PLXNA2: variants seen among roughly 807,000 people sequenced by gnomAD.
PLXNA2 encodes plexin-A2.
In PLXNA2, 91 loss-of-function variants were observed where a neutral mutation model predicts 193.5. The ratio of observed to expected loss-of-function variants is 0.47; its 90% confidence interval spans 0.40 to 0.56. The LOEUF (loss-of-function observed/expected upper bound fraction) is 0.56, where lower values mean the gene tolerates loss of function less well. PLXNA2 is among the 20% of genes least tolerant of loss of function. The pLI is 0.00. For missense variants in PLXNA2, 1,995 were observed against 2,503.2 expected, an observed-to-expected ratio of 0.80 and a Z score of 4.33; for synonymous variants, 997 against 1,027.3, an observed-to-expected ratio of 0.97 and a Z score of 0.56.
chr1:208,209,542 C>A (rs1038768875), intron 3 of PLXNA2, among the ~76,000 whole-genome samples: 1 of 152,192 alleles, frequency 6.6e-6, no homozygotes, highest in African/African-American at 2.4e-5. Context: ...GCCCTCTCTG[C>A]ACCCTAGGCA....
Position 208,028,938 on chromosome 1 carries a change from G to C in PLXNA2, c.5330C>G (p.Thr1777Ser). The change falls in exon 30 of 32, where the codon ACC becomes AGC. Residue 1777 changes from threonine to serine, a missense_variant. Around this residue, in one of 3 missense-constraint regions of PLXNA2, gnomAD observed 1,291 missense variants for 1,673.6 expected, o/e 0.77. Coordinates refer to ENST00000367033, the MANE Select transcript of PLXNA2 (RefSeq NM_025179.4). This position sits in a 1 kb window ranked among gnomAD's most constrained non-coding sequence, Gnocchi z 4.2. ...TDACLSVVAQ[T>S]FMDSCSTSEH... Reference sequence around the variant, plus strand: ...TGACGTTGAACAAGAGTCCATGAAGGTCTGGGCCACCACAGAGAGGCAGGC... The same window carrying C: ...TGACGTTGAACAAGAGTCCATGAAGCTCTGGGCCACCACAGAGAGGCAGGC... The C allele has an allele frequency of 6.2e-7, 1 of 1,614,046 alleles. No homozygotes were observed. The highest frequency in any genetic ancestry group is 2.2e-5 in the East Asian group (1 of 44,902).
Position 208,082,070 on chromosome 1 carries a change from G to C in PLXNA2, c.2395+342C>G, listed in dbSNP as rs955471905. Among the ~76,000 whole-genome samples, 2 of 152,204 alleles carry C rather than the reference G, an allele frequency of 1.3e-5. No individual in the cohort carries two copies. The highest frequency in any genetic ancestry group is 4.8e-5 in the African/African-American group (2 of 41,442). On this transcript the variant is annotated intron_variant, in intron 11 of 31. Transcript: ENST00000367033. This position sits in a 1 kb window ranked among gnomAD's most constrained non-coding sequence, Gnocchi z 4.2. ...GCCAAGGACAGGGGAACAAGAGCCT[G>C]ACTGGAAACAATATCTCCATTTCCA...
rs570397323 is a variant in PLXNA2 at position 208,025,803 on chromosome 1, G to A, written c.*1440C>T. Reference sequence around the variant, plus strand: ...TCCATAGTTTTAGGCATCATCAGAAGAGACAGAGAAGGAAAGTCCAGTGAG... The same window carrying A: ...TCCATAGTTTTAGGCATCATCAGAAAAGACAGAGAAGGAAAGTCCAGTGAG... On this transcript the variant is annotated 3_prime_UTR_variant, in exon 32 of 32. Coordinates refer to ENST00000367033, the MANE Select transcript of PLXNA2 (RefSeq NM_025179.4). 1 of 152,428 alleles carries A rather than the reference G, an allele frequency of 6.6e-6. No individual in the cohort carries two copies. The highest frequency in any genetic ancestry group is 1.9e-4 in the East Asian group (1 of 5,184). The allele number at this position is 152,428 out of a possible 1,614,324, so 9.4% of individuals were successfully genotyped here. A position where few individuals can be genotyped will look rare whatever the true frequency, so the allele number is the denominator to read the frequency against.
chr1:208,072,041 G>A (rs1665994431), intron 12 of PLXNA2, among the ~76,000 whole-genome samples: 1 of 152,232 alleles, frequency 6.6e-6, no homozygotes, highest in Non-Finnish European at 1.5e-5. Flanking sequence ...GAGAACAGGA[G>A]CCAGCAGGAG....
intron 4 of PLXNA2, 119 bp from the exon 5 acceptor site, chr1:208,103,366 T>C (rs922681102): frequency 2.7e-6 from 2 of 739,942 alleles, no homozygotes; most frequent in African/African-American, 1.8e-5. Flanking sequence ...GAGGTGATAC[T>C]GGGCGGCAAG....
chr1:208,063,452 G>A (rs1385895325), intron 12 of PLXNA2, among the ~76,000 whole-genome samples: 1 of 152,186 alleles, frequency 6.6e-6, no homozygotes, highest in Admixed American at 6.5e-5. Flanking sequence ...TAGAGAAGAA[G>A]ACTTTTTTTG....
intron 8 of PLXNA2, among the ~76,000 whole-genome samples, chr1:208,095,323 T>C (rs141523741): frequency 8.5e-5 from 13 of 152,294 alleles, no homozygotes; most frequent in Middle Eastern, 3.4e-3. Flanking sequence ...CCCTGTGAAA[T>C]GTTCCCAGCT....
chr1:208,089,351 TG>T (rs530048468), intron 9 of PLXNA2, among the ~76,000 whole-genome samples: 3 of 152,210 alleles, frequency 2.0e-5, no homozygotes, highest in Non-Finnish European at 4.4e-5. Flanking sequence ...ACAAAGCTCA[TG>T]GGCCCTGATT....
At position 208,210,702 on chromosome 1, in the gene PLXNA2, G is replaced by A. The variant is rs149667070; in HGVS notation, c.1189-240C>T. ...GGCAGCAACCTTCCACTCAGCTGGCGTCACCTGTATCTACCTTTCTGCCAG... is the reference window on the plus strand; with the variant it reads ...GGCAGCAACCTTCCACTCAGCTGGCATCACCTGTATCTACCTTTCTGCCAG... On this transcript the variant is annotated intron_variant, in intron 2 of 31. Transcript: ENST00000367033. Among the ~76,000 whole-genome samples the A allele has an allele frequency of 1.9e-3, 288 of 152,274 alleles. 2 individuals are homozygous for A. The highest frequency in any genetic ancestry group is 6.5e-3 in the African/African-American group (271 of 41,554).
intron 3 of PLXNA2, among the ~76,000 whole-genome samples, chr1:208,188,050 T>A (rs569083035): frequency 1.3e-5 from 2 of 152,192 alleles, no homozygotes; most frequent in Admixed American, 6.5e-5. Context: ...CTCCCCCAGC[T>A]CCACATTGCA....
At chr1:208,195,679 T>C (rs1328711417) in intron 3 of PLXNA2, among the ~76,000 whole-genome samples, 2 of 151,156 alleles carry the variant, frequency 1.3e-5, no homozygotes, top group Admixed American at 1.3e-4. Context: ...GTGGGCAACA[T>C]GCATCATAAA....
At position 208,043,054 on chromosome 1, in the gene PLXNA2, G is replaced by A. The variant is rs762923559; in HGVS notation, c.4017+7C>T. 3.1e-6 allele frequency: 5 copies of A among 1,612,866 alleles called. No individual in the cohort carries two copies. In the East Asian group the frequency reaches 8.9e-5, roughly 29 times the overall value. On this transcript the variant is annotated splice_region_variant and intron_variant, in intron 21 of 31. Transcript: ENST00000367033. ...CTGGGTGGCTGGGCCCAGGAGGCAG[G>A]CATTACCTCCAGCTCCCGCAGGACG...
rs560153752 is a variant in PLXNA2, at chr1:208,044,036, C to A, written c.3874+472G>T. On this transcript the variant is annotated intron_variant, in intron 20 of 31. Transcript: ENST00000367033. This position sits in a 1 kb window ranked among gnomAD's most constrained non-coding sequence, Gnocchi z 4.9. ...CACCAGCAAGTGGCGGCCTTCAGAG[C>A]GCTCAGCCTGCAGCACTGATGGAAA... is the stretch of plus-strand genomic sequence containing the variant. Among the ~76,000 whole-genome samples the A allele has an allele frequency of 1.3e-5, 2 of 152,214 alleles. No individual in the cohort carries two copies. Among genetic ancestry groups the A allele is most frequent in the Non-Finnish European group, 2.9e-5 (2 of 68,048 alleles).
chr1:208,095,057 A>G (rs983557750), intron 8 of PLXNA2, among the ~76,000 whole-genome samples: 4 of 152,194 alleles, frequency 2.6e-5, no homozygotes, highest in African/African-American at 9.6e-5. Context: ...GACAATGGGA[A>G]GGATGAGTCC....
intron 12 of PLXNA2, among the ~76,000 whole-genome samples, chr1:208,066,388 G>T (rs1421984880): frequency 6.6e-6 from 1 of 152,190 alleles, no homozygotes; most frequent in Non-Finnish European, 1.5e-5. Flanking sequence ...CAGAGTCCTG[G>T]CCCTGTCCTC....
rs774006076 is a variant in PLXNA2, at chr1:208,033,430, C to T, written c.4944G>A (p.Gly1648=). ...TCTTCACCAGATGCCACACCTTGAC[C>T]CCACTTTCCAGGTCTGGGGTGATCA... ...APMITPDLES[G]VKVWHLVKNH... is the part of the protein sequence containing the mutation. Residue 1648 remains glycine, a synonymous_variant, in exon 28 of 32, where the codon GGG becomes GGA. Transcript: ENST00000367033. The T allele has an allele frequency of 6.2e-7, 1 of 1,614,122 alleles. No individual in the cohort carries two copies. The highest frequency in any genetic ancestry group is 1.1e-5 in the South Asian group (1 of 91,070).
chr1:208,164,444 G>A (rs1226239769), intron 3 of PLXNA2, among the ~76,000 whole-genome samples: 1 of 152,308 alleles, frequency 6.6e-6, no homozygotes, highest in Non-Finnish European at 1.5e-5. Flanking sequence ...CCCTCTCATA[G>A]GGAGGTTTAG....
chr1:208,116,841 CT>C lies in PLXNA2; in HGVS notation c.1507-13595del, dbSNP rs1030933956. On this transcript the variant is annotated intron_variant, in intron 4 of 31. Transcript: ENST00000367033. ...ATTCAGGTTCATGATTCTTCTGCCCCTGACCCTGGATCCCCTGACCCAGATG... is the reference window on the plus strand; with the variant it reads ...ATTCAGGTTCATGATTCTTCTGCCCCGACCCTGGATCCCCTGACCCAGATG... Among the ~76,000 whole-genome samples, 31 of 152,298 alleles carry C rather than the reference CT, an allele frequency of 2.0e-4. 1 individual carries two copies. Among genetic ancestry groups the C allele is most frequent in the African/African-American group, 6.5e-4 (27 of 41,552 alleles).
At chr1:208,057,234 G>A (rs1037106205) in intron 13 of PLXNA2, among the ~76,000 whole-genome samples, 2 of 152,160 alleles carry the variant, frequency 1.3e-5, no homozygotes, top group African/African-American at 4.8e-5. Context: ...CCATTGTACA[G>A]ACAATGAAAC....
Sources: gnomAD v4.1 joint callset for allele counts (sites outside exome capture counted in the v4.1 genomes callset) on GRCh38, gnomAD v4.1.1 for gene constraint, gnomAD v4.1.1 regional missense constraint, Gnocchi (gnomAD v3.1) non-coding constraint, MANE v1.5 for transcripts, NCBI Gene and HGNC (gene_info 2026-07-23, HGNC 2026-07-21) for gene names.